Variants in DNAH17 observed in about 807,000 individuals in gnomAD.
DNAH17 encodes the protein axonemal beta dynein heavy chain 17.
Under a neutral mutation model 485.6 loss-of-function variants are expected in DNAH17, and 376 were observed. The observed-to-expected ratio is 0.77, with a 90% confidence interval of 0.71 to 0.84. DNAH17 has a LOEUF of 0.84. DNAH17 is among the 40% of genes least tolerant of loss of function. The pLI is 0.00. For synonymous variants in DNAH17, 3,031 were observed against 2,405.9 expected (o/e 1.26, Z -7.60); for missense variants, 6,370 against 5,839.3 (o/e 1.09, Z -2.96).
At chr17:78,554,921 AT>A (rs1180924693) in intron 14 of DNAH17, among the ~76,000 whole-genome samples, 1 of 151,842 alleles carries the variant, frequency 6.6e-6, no homozygotes, top group Non-Finnish European at 1.5e-5. Flanking sequence ...TAATTTTTTT[AT>A]TTTTTGTAGG....
intron 14 of DNAH17, among the ~76,000 whole-genome samples, chr17:78,553,710 G>C (rs1237361779): frequency 6.6e-6 from 1 of 152,100 alleles, no homozygotes; most frequent in Non-Finnish European, 1.5e-5. Context: ...ATTTATGTAC[G>C]GTTACTGTTT....
chr17:78,471,899 G>GCGATGGC (rs1377872499), intron 54 of DNAH17, among the ~76,000 whole-genome samples: 7 of 152,120 alleles, frequency 4.6e-5, no homozygotes, highest in African/African-American at 1.7e-4. Flanking sequence ...GTCCCGCTGT[G>GCGATGGC]CGATGGCCGC....
At position 78,482,652 on chromosome 17, in the gene DNAH17, A is replaced by G. The variant is rs139778826; in HGVS notation, c.7650-1866T>C. ...TTTGCTTCTGCCCACCTCACAGCTC[A>G]CCCTTTCCCTGCGGGCCCATCCTTC... On this transcript the variant is annotated intron_variant, in intron 48 of 80. Transcript: ENST00000389840. Among the ~76,000 whole-genome samples the G allele has an allele frequency of 4.8e-3, 718 of 150,998 alleles. 2 individuals carry two copies. Among genetic ancestry groups the G allele is most frequent in the African/African-American group, 0.016 (676 of 41,098 alleles).
At chr17:78,569,117 G>A (rs1331449535) in intron 9 of DNAH17, 49 bp downstream of exon 9, 1 of 1,444,262 alleles carries the variant, frequency 6.9e-7, no homozygotes, top group Non-Finnish European at 9.5e-7. Flanking sequence ...TCCTAGGGTA[G>A]GAGCAGTCTG....
At chr17:78,559,864 C>T (rs543141018) in intron 13 of DNAH17, among the ~76,000 whole-genome samples, 28 of 152,224 alleles carry the variant, frequency 1.8e-4, no homozygotes, top group African/African-American at 5.1e-4. Flanking sequence ...ACCAGGCTCT[C>T]GGGCGCCACC....
intron 49 of DNAH17, 148 bp from the exon 50 acceptor site, chr17:78,479,780 T>C: frequency 1.9e-6 from 2 of 1,048,290 alleles, no homozygotes; most frequent in Non-Finnish European, 2.8e-6. Flanking sequence ...TCCTTGTGCC[T>C]TGCATGTGGT....
At chr17:78,482,070 C>CTTTTTTTTTTTTT in intron 48 of DNAH17, among the ~76,000 whole-genome samples, 1 of 130,664 alleles carries the variant, frequency 7.7e-6, no homozygotes. Flanking sequence ...ACACTAGTTA[C>CTTTTTTTTTTTTT]TTTTTTTTTT....
At chr17:78,559,345 C>T (rs1413109593) in intron 13 of DNAH17, among the ~76,000 whole-genome samples, 2 of 152,244 alleles carry the variant, frequency 1.3e-5, no homozygotes, top group African/African-American at 4.8e-5. Flanking sequence ...CCATCCTCCC[C>T]TGTGGCCTCT....
intron 25 of DNAH17, among the ~76,000 whole-genome samples, chr17:78,519,195 A>T (rs1412005995): frequency 3.7e-5 from 5 of 136,812 alleles, no homozygotes; most frequent in Non-Finnish European, 8.0e-5. Flanking sequence ...AAAAAAAAAG[A>T]AATGTAAAAT....
rs377149693 is a variant in DNAH17 at position 78,544,031 on chromosome 17, T to C, written c.2392-34A>G. ...AAAGCACAGGAGTGAGAAAAGGTGT[T>C]CTGGAGAAACTGCTTTCAGTCGCAG... On this transcript the variant is annotated intron_variant, in intron 16 of 80. Coordinates refer to ENST00000389840, the MANE Select transcript of DNAH17 (RefSeq NM_173628.4). 8 of 1,613,076 alleles carry C rather than the reference T, an allele frequency of 5.0e-6. No individual in the cohort carries two copies. The African/African-American group carries it at 1.1e-4, about 22-fold the overall frequency.
chr17:78,539,825 A>T lies in DNAH17; in HGVS notation c.2588T>A (p.Val863Asp), dbSNP rs777739656. 6.2e-7 allele frequency: 1 copy of T among 1,611,688 alleles called. No individual in the cohort carries two copies. Among genetic ancestry groups the T allele is most frequent in the South Asian group, 1.1e-5 (1 of 90,778 alleles). ...TAAGACCATGTCGTCAATGTAGATG[A>T]CATAATCCTTCCAGGGCAGGCTCAG... is the stretch of plus-strand genomic sequence containing the variant. ...DTLSLPWKDY[V>D]IYIDDMVLDE... is the part of the protein sequence containing the mutation. Residue 863 changes from valine to aspartate, a missense_variant, in exon 18 of 81, where the codon GTC becomes GAC. Coordinates refer to ENST00000389840, the MANE Select transcript of DNAH17 (RefSeq NM_173628.4).
intron 69 of DNAH17, among the ~76,000 whole-genome samples, chr17:78,447,319 T>A (rs1004391633): frequency 3.3e-5 from 5 of 152,298 alleles, no homozygotes; most frequent in African/African-American, 1.2e-4. Context: ...ACAGGTCTTG[T>A]GGGTGTGTGC....
chr17:78,540,867 ATGGG>A (rs1240951552), intron 17 of DNAH17, among the ~76,000 whole-genome samples: 1 of 42 alleles, frequency 0.024, no homozygotes, highest in East Asian at 0.5. Flanking sequence ...GGGTGGGTGG[ATGGG>A]TGGGTGGATG....
intron 19 of DNAH17, among the ~76,000 whole-genome samples, chr17:78,535,853 T>C (rs957447729): frequency 3.9e-5 from 6 of 152,196 alleles, no homozygotes; most frequent in African/African-American, 1.4e-4. Context: ...AGAATCTGGG[T>C]TTGGGCCAGA....
In DNAH17 at chr17:78,437,809, G is replaced by A; in HGVS notation, c.11865C>T (p.Ser3955=). The part of the protein sequence containing the change: ...GTLDKKLEHY[S]TGSHEDYRVF... ...CCCGGTAGTCCTCATGGCTGCCCGT[G>A]CTGTAGTGCTCCAGCTTCTTGTCCA... Residue 3955 remains serine (S), a synonymous_variant, in exon 74 of 81, where the codon AGC becomes AGT. Coordinates refer to ENST00000389840, the MANE Select transcript of DNAH17 (RefSeq NM_173628.4). 1 of 1,612,450 alleles carries A rather than the reference G, an allele frequency of 6.2e-7. No individual in the cohort carries two copies. Among genetic ancestry groups the A allele is most frequent in the Non-Finnish European group, 8.5e-7 (1 of 1,179,702 alleles).
In DNAH17 at chr17:78,571,923, G is replaced by C. The variant is rs113959637; in HGVS notation, c.540-141C>G. ...TGGTCTCATGTCCCTGGTGCCTCCA[G>C]CCACCTCGGGGACGCTAAAGAAGTT... On this transcript the variant is annotated intron_variant, in intron 3 of 80. Coordinates refer to ENST00000389840, the MANE Select transcript of DNAH17 (RefSeq NM_173628.4). 1,378 of 750,534 alleles carry C rather than the reference G, an allele frequency of 1.8e-3. 17 individuals carry two copies. In the African/African-American group the frequency reaches 0.023, roughly 12 times the overall value. 46.5% of individuals were successfully genotyped at this position (750,534 alleles called of 1,614,324 possible).
intron 36 of DNAH17, 99 bp downstream of exon 36, chr17:78,500,206 A>T: frequency 7.5e-7 from 1 of 1,330,080 alleles, no homozygotes; most frequent in Non-Finnish European, 1.0e-6. Flanking sequence ...AGGTATCCAG[A>T]GATCTGGAGT....
In DNAH17 at chr17:78,571,615, A is replaced by G. The variant is rs1227439670; in HGVS notation, c.707T>C (p.Leu236Pro). ...VEFEFWDTRL[L>P]NLKCIHEQLN... is the part of the protein sequence containing the mutation. ...CTGTTCATGGATGCACTTGAGGTTCAGCAGCCGAGTGTCCCAGAACTCGAA... is the reference window on the plus strand; with the variant it reads ...CTGTTCATGGATGCACTTGAGGTTCGGCAGCCGAGTGTCCCAGAACTCGAA... The change falls in exon 4 of 81, where the codon CTG (leucine) becomes CCG (proline). Residue 236 changes from leucine to proline, a missense_variant. Leu to Pro is a moderately conservative substitution (Grantham distance 98, BLOSUM62 -3). Transcript: ENST00000389840. 1 of 1,613,962 alleles carries G rather than the reference A, an allele frequency of 6.2e-7. No individual in the cohort carries two copies. The highest frequency in any genetic ancestry group is 1.1e-5 in the South Asian group (1 of 91,086).
Position 78,507,815 on chromosome 17 carries a change from G to T in DNAH17, c.4237-10C>A. ...CCAGGGCTTTCAGCACCTTTTGGGG[G>T]AACAGAAAAATAAGGTCACTGAGCA... On this transcript the variant is annotated splice_polypyrimidine_tract_variant and intron_variant, in intron 27 of 80. Transcript: ENST00000389840. The T allele has an allele frequency of 3.3e-6, 5 of 1,537,434 alleles. No homozygotes were observed. Among genetic ancestry groups the T allele is most frequent in the South Asian group, 1.2e-5 (1 of 84,462 alleles).
Sources: gnomAD v4.1 joint callset for allele counts (sites outside exome capture counted in the v4.1 genomes callset) on GRCh38, gnomAD v4.1.1 for gene constraint, MANE v1.5 for transcripts, NCBI Gene and HGNC (gene_info 2026-07-23, HGNC 2026-07-21) for gene names.